Variants in PAPPA observed in about 807,000 individuals in gnomAD.
PAPPA encodes pappalysin 1.
In PAPPA, 60 loss-of-function variants were observed where a neutral mutation model predicts 164.0. That is an observed-to-expected ratio of 0.37 (90% CI 0.30 to 0.45). The LOEUF (loss-of-function observed/expected upper bound fraction) is 0.45. Ranked by LOEUF, PAPPA falls within the 20% of genes least tolerant of loss-of-function variation. The pLI is 1.00. For synonymous variants in PAPPA, 875 were observed against 814.1 expected (o/e 1.07, Z -1.27); for missense variants, 1,782 against 2,087.3 (o/e 0.85, Z 2.85).
rs761838902 is a variant in PAPPA at position 116,302,890 on chromosome 9, A to G, written c.3087A>G (p.Val1029=). ...ATCAGTGGGCATCCAATGCTTCAGTATCTCATCAAGACCAGCAATGCCCAG... is the reference window on the plus strand; with the variant it reads ...ATCAGTGGGCATCCAATGCTTCAGTGTCTCATCAAGACCAGCAATGCCCAG... ...FLDQWASNAS[V]SHQDQQCPGW... The change falls in exon 10 of 22, where the codon GTA becomes GTG. Residue 1029 remains valine, a synonymous_variant. Coordinates refer to ENST00000328252, the MANE Select transcript of PAPPA (RefSeq NM_002581.5). The G allele has an allele frequency of 1.2e-6, 2 of 1,614,094 alleles. No homozygotes were observed. Among genetic ancestry groups the G allele is most frequent in the South Asian group, 2.2e-5 (2 of 91,074 alleles).
intron 15 of PAPPA, among the ~76,000 whole-genome samples, chr9:116,349,977 C>T (rs149317460): frequency 1.6e-3 from 240 of 152,262 alleles, no homozygotes; most frequent in Non-Finnish European, 2.6e-3. Context: ...AGCAAGTTGC[C>T]ACTGTGGGCA....
intron 18 of PAPPA, 95 bp from the exon 19 acceptor site, chr9:116,367,550 G>T (rs1294437647): frequency 2.3e-6 from 2 of 875,524 alleles, no homozygotes; most frequent in Admixed American, 2.0e-5. Flanking sequence ...GTCCACCAGG[G>T]ACCAGGGAGT....
At chr9:116,292,222 T>A (rs1281052415) in intron 9 of PAPPA, among the ~76,000 whole-genome samples, 1 of 152,168 alleles carries the variant, frequency 6.6e-6, no homozygotes, top group Non-Finnish European at 1.5e-5. Flanking sequence ...CCACATGAGA[T>A]GTTAAGCCAT....
intron 10 of PAPPA, among the ~76,000 whole-genome samples, chr9:116,320,466 A>G (rs1433815194): frequency 6.6e-6 from 1 of 152,228 alleles, no homozygotes; most frequent in Non-Finnish European, 1.5e-5. Flanking sequence ...AGGGAAGAAG[A>G]AGCCATCTCT....
chr9:116,314,778 T>G (rs572547450), intron 10 of PAPPA, among the ~76,000 whole-genome samples: 3 of 152,256 alleles, frequency 2.0e-5, no homozygotes, highest in African/African-American at 7.2e-5. Flanking sequence ...TCCTACAGGG[T>G]TTAGCTCAAG....
intron 5 of PAPPA, among the ~76,000 whole-genome samples, chr9:116,221,245 A>C (rs1844442582): frequency 6.6e-6 from 1 of 152,204 alleles, no homozygotes; most frequent in African/African-American, 2.4e-5. Context: ...TAAAAGGGTC[A>C]TGAAAATAGA....
At chr9:116,203,086 G>A (rs1242527917) in intron 2 of PAPPA, among the ~76,000 whole-genome samples, 2 of 152,182 alleles carry the variant, frequency 1.3e-5, no homozygotes, top group African/African-American at 4.8e-5. Context: ...CCAGCTGAGG[G>A]AGAGAATGGA....
chr9:116,254,474 T>A (rs1844897272), intron 7 of PAPPA, among the ~76,000 whole-genome samples: 1 of 152,164 alleles, frequency 6.6e-6, no homozygotes, highest in Non-Finnish European at 1.5e-5. Flanking sequence ...TGTGTATGTG[T>A]GTTTACACGT....
intron 9 of PAPPA, among the ~76,000 whole-genome samples, chr9:116,285,532 C>T (rs1451914414): frequency 2.6e-5 from 4 of 152,180 alleles, no homozygotes; most frequent in Non-Finnish European, 5.9e-5. Context: ...GTGCTCCTCA[C>T]CACCCGTTCC....
intron 20 of PAPPA, 74 bp from the exon 21 acceptor site, chr9:116,382,321 A>G (rs1473524521): frequency 3.4e-6 from 3 of 883,618 alleles, no homozygotes; most frequent in Non-Finnish European, 1.9e-6. Flanking sequence ...CACCCGAAGG[A>G]CTGCAGACGT....
At chr9:116,156,068 C>T (rs1843597958) in intron 1 of PAPPA, among the ~76,000 whole-genome samples, 1 of 150,662 alleles carries the variant, frequency 6.6e-6, no homozygotes, top group African/African-American at 2.4e-5. Flanking sequence ...ACTTCTCTTT[C>T]CAAACATGTG....
At chr9:116,379,992 C>G (rs982754503) in intron 20 of PAPPA, among the ~76,000 whole-genome samples, 4 of 152,188 alleles carry the variant, frequency 2.6e-5, no homozygotes, top group Admixed American at 6.5e-5. Context: ...TTAACTCCTA[C>G]TCATCTTTAT....
chr9:116,344,491 A>ATAGC, intron 13 of PAPPA, 52 bp from the exon 14 acceptor site: 4 of 1,561,778 alleles, frequency 2.6e-6, no homozygotes, highest in Non-Finnish European at 3.5e-6. Flanking sequence ...CCAACTGAGC[A>ATAGC]TAGCTGTCCT....
intron 14 of PAPPA, 21 bp downstream of exon 14, chr9:116,344,732 C>G: frequency 6.2e-7 from 1 of 1,601,022 alleles, no homozygotes. Flanking sequence ...GTGCTGAGCT[C>G]AGAGCCTCTC....
Position 116,347,144 on chromosome 9 carries a change from G to A in PAPPA, c.3899G>A (p.Cys1300Tyr). 1 of 1,614,120 alleles carries A rather than the reference G, an allele frequency of 6.2e-7. No individual in the cohort carries two copies. The highest frequency in any genetic ancestry group is 8.5e-7 in the Non-Finnish European group (1 of 1,179,982). ...CAAGTCTATGCTGCCTCCTTCTCCTGCCCTGAGGGCACCACCTTTGGCAGT... is the reference window on the plus strand; with the variant it reads ...CAAGTCTATGCTGCCTCCTTCTCCTACCCTGAGGGCACCACCTTTGGCAGT... ...HHQVYAASFSCPEGTTFGSQC... is the reference protein window; with the variant it reads ...HHQVYAASFSYPEGTTFGSQC... Residue 1300 changes from cysteine to tyrosine, a missense_variant, in exon 15 of 22, where the codon TGC becomes TAC. Physicochemically the swap from Cys to Tyr is radical, Grantham distance 194. This residue lies in a region of PAPPA where 1,324 missense variants were observed against 1,656.9 expected (regional missense o/e 0.80). Transcript: ENST00000328252. This position sits in a 1 kb window ranked among gnomAD's most constrained non-coding sequence, Gnocchi z 4.5.
rs182983396 is a variant in PAPPA, at chr9:116,270,920, G to C, written c.2862-405G>C. On this transcript the variant is annotated intron_variant, in intron 8 of 21. Coordinates refer to ENST00000328252, the MANE Select transcript of PAPPA (RefSeq NM_002581.5). ...CAAGGCAGGGAGTGGTGAAGGACCA[G>C]AATCTCTACATTTTCCTTCAAATAT... Among the ~76,000 whole-genome samples, 48 of 152,212 alleles carry C rather than the reference G, an allele frequency of 3.2e-4. No homozygotes were observed. In the East Asian group the frequency reaches 9.3e-3, roughly 29 times the overall value.
chr9:116,341,853 C>T (rs867852914), intron 13 of PAPPA, among the ~76,000 whole-genome samples: 1 of 152,310 alleles, frequency 6.6e-6, no homozygotes, highest in Non-Finnish European at 1.5e-5. Flanking sequence ...AGAAACTGAA[C>T]CTCAGGATGT....
rs578111643 is a variant in PAPPA at position 116,278,655 on chromosome 9, T to A, written c.2953+7239T>A. 6.3e-5 allele frequency among the ~76,000 whole-genome samples: 6 copies of A among 95,186 alleles called. No individual in the cohort carries two copies. The East Asian group carries it at 1.1e-3, about 17-fold the overall frequency. The allele number at this position is 95,186 out of a possible 152,430, so 62.4% of individuals were successfully genotyped here. A position where few individuals can be genotyped will look rare whatever the true frequency, so the allele number is the denominator to read the frequency against. On this transcript the variant is annotated intron_variant, in intron 9 of 21. Transcript: ENST00000328252. ...CCCTCCATTGACAGTAGCCAAATCGTTTTTTTTTTAGCATAGAATGTGTTT... is the reference window on the plus strand; with the variant it reads ...CCCTCCATTGACAGTAGCCAAATCGATTTTTTTTTAGCATAGAATGTGTTT...
At chr9:116,292,514 A>T (rs1845449561) in intron 9 of PAPPA, among the ~76,000 whole-genome samples, 1 of 152,134 alleles carries the variant, frequency 6.6e-6, no homozygotes, top group South Asian at 2.1e-4. Flanking sequence ...AGTAGGACAG[A>T]TGACTGGGAA....
Sources: gnomAD v4.1 joint callset for allele counts (sites outside exome capture counted in the v4.1 genomes callset) on GRCh38, gnomAD v4.1.1 for gene constraint, gnomAD v4.1.1 regional missense constraint, Gnocchi (gnomAD v3.1) non-coding constraint, MANE v1.5 for transcripts, NCBI Gene and HGNC (gene_info 2026-07-23, HGNC 2026-07-21) for gene names.